The following PTPRD variants were observed in gnomAD, a reference collection of about 807,000 sequenced individuals.
PTPRD encodes the protein receptor-type tyrosine-protein phosphatase delta.
Under a neutral mutation model 214.5 loss-of-function variants are expected in PTPRD, and 34 were observed. The ratio of observed to expected loss-of-function variants is 0.16; its 90% CI spans 0.12 to 0.21. The LOEUF (loss-of-function observed/expected upper bound fraction) is 0.21. Among genes scored for constraint, PTPRD ranks in the 10% least tolerant of loss-of-function variants. PTPRD has a pLI of 1.00. For synonymous variants in PTPRD, 1,128 were observed against 845.7 expected, an observed-to-expected ratio of 1.33 and a Z score of -5.79; for missense variants, 2,545 against 2,398.7, an observed-to-expected ratio of 1.06 and a Z score of -1.27.
intron 10 of PTPRD, among the ~76,000 whole-genome samples, chr9:9,058,518 G>A (rs1409493405): frequency 2.2e-5 from 3 of 135,278 alleles, no homozygotes; most frequent in East Asian, 2.2e-4. Flanking sequence ...GCGCGATCTC[G>A]GCTCACTGCA....
At chr9:9,832,687 T>C (rs1011577545) in intron 5 of PTPRD, among the ~76,000 whole-genome samples, 1 of 151,922 alleles carries the variant, frequency 6.6e-6, no homozygotes, top group African/African-American at 2.4e-5. Context: ...TTAAAATAAA[T>C]GCAAGGAAGA....
At chr9:9,529,384 C>T (rs2074968156) in intron 8 of PTPRD, among the ~76,000 whole-genome samples, 2 of 150,730 alleles carry the variant, frequency 1.3e-5, no homozygotes, top group African/African-American at 2.4e-5. Flanking sequence ...ATTTGTAATA[C>T]ATGTATGTAA....
chr9:8,701,840 T>C (rs1446055803), intron 12 of PTPRD, among the ~76,000 whole-genome samples: 1 of 152,192 alleles, frequency 6.6e-6, no homozygotes, highest in African/African-American at 2.4e-5. Flanking sequence ...CATATAAAAG[T>C]GAGGGTTTGT....
intron 12 of PTPRD, among the ~76,000 whole-genome samples, chr9:8,730,058 C>T (rs1336498025): frequency 6.6e-6 from 1 of 152,070 alleles, no homozygotes; most frequent in African/African-American, 2.4e-5. Context: ...AGATCAAGAC[C>T]ATCCTGGCTA....
At chr9:9,599,707 T>C (rs867976645) in intron 7 of PTPRD, among the ~76,000 whole-genome samples, 20 of 152,224 alleles carry the variant, frequency 1.3e-4, no homozygotes, top group African/African-American at 4.8e-4. Flanking sequence ...CTAATTGCTA[T>C]AATCAGTATT....
In PTPRD at chr9:8,331,498, A is replaced by C. The variant is rs146775543; in HGVS notation, c.5534+84T>G. On this transcript the variant is annotated intron_variant, in intron 44 of 45. Coordinates refer to ENST00000381196, the MANE Select transcript of PTPRD (RefSeq NM_002839.4). ...CATTGCCAAGAATAAAATTTCAAAT[A>C]AGCAAACTTACTACAAAAAGTGTAT... 577 of 1,482,380 alleles carry C rather than the reference A, an allele frequency of 3.9e-4. 1 individual carries two copies. The African/African-American group carries it at 6.7e-3, about 17-fold the overall frequency. 91.8% of individuals were successfully genotyped at this position (1,482,380 alleles called of 1,614,324 possible). A position where few individuals can be genotyped will look rare whatever the true frequency, so the allele number is the denominator to read the frequency against.
intron 3 of PTPRD, among the ~76,000 whole-genome samples, chr9:10,163,716 T>C (rs951897259): frequency 6.6e-6 from 1 of 151,434 alleles, no homozygotes. Flanking sequence ...CAATATATTC[T>C]CAAAGAATAT....
chr9:8,413,835 C>T (rs1440711306), intron 35 of PTPRD, among the ~76,000 whole-genome samples: 5 of 152,032 alleles, frequency 3.3e-5, no homozygotes, highest in Non-Finnish European at 7.4e-5. Context: ...TAAAAGATTA[C>T]TCTCAAAGAT....
intron 8 of PTPRD, among the ~76,000 whole-genome samples, chr9:9,523,382 G>C (rs901200437): frequency 1.3e-5 from 2 of 151,910 alleles, no homozygotes; most frequent in East Asian, 3.9e-4. Flanking sequence ...GGAGATATTG[G>C]GTTTAATTTA....
At chr9:9,682,372 C>G (rs1421819845) in intron 7 of PTPRD, among the ~76,000 whole-genome samples, 1 of 151,760 alleles carries the variant, frequency 6.6e-6, no homozygotes, top group East Asian at 1.9e-4. Context: ...TTGCCATCTC[C>G]TACTGAGAAT....
intron 14 of PTPRD, among the ~76,000 whole-genome samples, chr9:8,548,395 G>C (rs977105984): frequency 6.6e-6 from 1 of 151,546 alleles, no homozygotes; most frequent in Admixed American, 6.6e-5. Context: ...TGAGAGAGGT[G>C]TTCACTCTGT....
intron 10 of PTPRD, among the ~76,000 whole-genome samples, chr9:9,149,850 GCAACTC>G (rs2099875132): frequency 2.0e-5 from 3 of 152,174 alleles, no homozygotes; most frequent in Admixed American, 2.0e-4. Context: ...TATCACTGAG[GCAACTC>G]CAATGCCTGA....
chr9:8,810,347 T>C (rs7846748), intron 11 of PTPRD, among the ~76,000 whole-genome samples: 17,591 of 152,190 alleles, frequency 0.12, 3,256 homozygotes, highest in African/African-American at 0.39. Context: ...TCCCTCCTGC[T>C]TGGTTACCTT....
At chr9:10,414,652 A>G (rs2098470100) in intron 2 of PTPRD, among the ~76,000 whole-genome samples, 1 of 151,984 alleles carries the variant, frequency 6.6e-6, no homozygotes, top group Non-Finnish European at 1.5e-5. Context: ...TGTTCATTGC[A>G]GCACTATTCA....
intron 12 of PTPRD, among the ~76,000 whole-genome samples, chr9:8,727,206 C>T (rs67807514): frequency 0.085 from 12,919 of 152,170 alleles, 1,684 homozygotes; most frequent in African/African-American, 0.28. Flanking sequence ...AAACAGGTCA[C>T]ACTTTGGAAT....
At chr9:8,445,398 G>A (rs893125625) in intron 34 of PTPRD, among the ~76,000 whole-genome samples, 6 of 152,184 alleles carry the variant, frequency 3.9e-5, no homozygotes, top group African/African-American at 1.4e-4. Context: ...CTTACAAGCT[G>A]AGGTGCCTGC....
intron 21 of PTPRD, among the ~76,000 whole-genome samples, chr9:8,513,883 G>A (rs2097731142): frequency 6.6e-6 from 1 of 152,096 alleles, no homozygotes; most frequent in South Asian, 2.1e-4. Context: ...TTGGCAGGCA[G>A]TCATTACATC....
At chr9:8,659,925 T>TAG (rs148879043) in intron 12 of PTPRD, among the ~76,000 whole-genome samples, 245 of 150,690 alleles carry the variant, frequency 1.6e-3, no homozygotes, top group African/African-American at 4.8e-3. Context: ...AGAATAAATG[T>TAG]AGAGAGAGAG....
chr9:9,590,865 C>T (rs1317338762), intron 7 of PTPRD, among the ~76,000 whole-genome samples: 1 of 152,028 alleles, frequency 6.6e-6, no homozygotes, highest in Non-Finnish European at 1.5e-5. Flanking sequence ...GTATGTGGCA[C>T]ATGGATTTTC....
Sources: allele counts gnomAD v4.1 joint callset (sites outside exome capture counted in the v4.1 genomes callset), GRCh38; gene constraint gnomAD v4.1.1; transcripts MANE v1.5; gene names NCBI Gene and HGNC (gene_info 2026-07-23, HGNC 2026-07-21).